CTNNA3: variants seen among roughly 807,000 people sequenced by gnomAD.
The protein encoded by CTNNA3 is catenin alpha-3.
Under a neutral mutation model 95.7 loss-of-function variants are expected in CTNNA3, and 76 were observed. The ratio of observed to expected loss-of-function variants is 0.79; its 90% CI spans 0.66 to 0.96. The LOEUF is 0.96. Ranked by LOEUF, CTNNA3 falls within the 40% of genes least tolerant of loss-of-function variation. The pLI, the probability that CTNNA3 is intolerant of heterozygous loss-of-function variation, is 0.00. For missense variants in CTNNA3, 1,191 were observed against 1,089.8 expected (o/e 1.09, Z -1.31); for synonymous variants, 431 against 374.4 (o/e 1.15, Z -1.74).
At chr10:66,373,601 T>TA (rs34263718) in intron 12 of CTNNA3, among the ~76,000 whole-genome samples, 116,474 of 148,370 alleles carry the variant, frequency 0.79, 46,872 homozygotes, top group Non-Finnish European at 0.9. Flanking sequence ...CTAATTGTGT[T>TA]AAAAAAAAAA....
At chr10:67,147,534 T>C (rs925281951) in intron 7 of CTNNA3, among the ~76,000 whole-genome samples, 1 of 152,226 alleles carries the variant, frequency 6.6e-6, no homozygotes, top group Non-Finnish European at 1.5e-5. Context: ...AATAGCCTGC[T>C]AGATCTAACA....
intron 9 of CTNNA3, among the ~76,000 whole-genome samples, chr10:66,641,525 T>A (rs1845516597): frequency 6.6e-6 from 1 of 152,186 alleles, no homozygotes; most frequent in Non-Finnish European, 1.5e-5. Context: ...TATGCACCAT[T>A]AGATGACAGG....
intron 12 of CTNNA3, among the ~76,000 whole-genome samples, chr10:66,315,407 A>G (rs1488969391): frequency 6.6e-6 from 1 of 151,966 alleles, no homozygotes; most frequent in Non-Finnish European, 1.5e-5. Flanking sequence ...TACCCATTTT[A>G]TGAACAATGA....
chr10:67,178,799 A>G (rs1422808832), intron 7 of CTNNA3, among the ~76,000 whole-genome samples: 1 of 152,124 alleles, frequency 6.6e-6, no homozygotes, highest in African/African-American at 2.4e-5. Flanking sequence ...TCAATAAAAT[A>G]TTATCTTCTA....
intron 1 of CTNNA3, among the ~76,000 whole-genome samples, chr10:67,686,590 T>C (rs1840736445): frequency 6.6e-6 from 1 of 152,168 alleles, no homozygotes; most frequent in African/African-American, 2.4e-5. Flanking sequence ...TAGTATGCCA[T>C]TTACATTGTG....
rs527284091 is a variant in CTNNA3, at chr10:67,474,053, A to C, written c.579+47789T>G. On this transcript the variant is annotated intron_variant, in intron 5 of 17. Coordinates refer to ENST00000433211, the MANE Select transcript of CTNNA3 (RefSeq NM_013266.4). ...CTTTACCCCTCCTCATTGAGTAATA[A>C]AGTAAACTTCCTTGGAATATAGCAA... Among the ~76,000 whole-genome samples the C allele has an allele frequency of 9.2e-5, 14 of 152,310 alleles. No homozygotes were observed. In the South Asian group the frequency reaches 2.9e-3, roughly 32 times the overall value.
At chr10:66,030,224 A>G (rs2079423518) in intron 15 of CTNNA3, among the ~76,000 whole-genome samples, 1 of 152,208 alleles carries the variant, frequency 6.6e-6, no homozygotes, top group South Asian at 2.1e-4. Flanking sequence ...AAACTGTTCT[A>G]AAATTTGTAT....
At chr10:66,240,863 A>G (rs1366600798) in intron 13 of CTNNA3, among the ~76,000 whole-genome samples, 2 of 152,106 alleles carry the variant, frequency 1.3e-5, no homozygotes, top group Admixed American at 6.5e-5. Context: ...TAATGGAAAA[A>G]CATTGTTTAG....
intron 7 of CTNNA3, among the ~76,000 whole-genome samples, chr10:67,128,606 G>T (rs2095728258): frequency 1.3e-5 from 2 of 152,038 alleles, no homozygotes; most frequent in Middle Eastern, 3.4e-3. Flanking sequence ...CCTTTGACAA[G>T]ATTTTAAAAC....
At chr10:67,162,726 C>T (rs946970961) in intron 7 of CTNNA3, among the ~76,000 whole-genome samples, 2 of 151,618 alleles carry the variant, frequency 1.3e-5, no homozygotes, top group African/African-American at 2.4e-5. Flanking sequence ...CTCTTTGAAA[C>T]TATCAAGATA....
chr10:67,125,994 G>A (rs1001473792), intron 7 of CTNNA3, among the ~76,000 whole-genome samples: 2 of 152,028 alleles, frequency 1.3e-5, no homozygotes, highest in South Asian at 2.1e-4. Context: ...GTTAATTCTG[G>A]AATCTAACCT....
At chr10:66,100,727 C>A (rs553698810) in intron 14 of CTNNA3, among the ~76,000 whole-genome samples, 1 of 152,216 alleles carries the variant, frequency 6.6e-6, no homozygotes, top group Admixed American at 6.5e-5. Context: ...ATCTAGCTGG[C>A]CTGGCCTATA....
At chr10:67,186,196 T>C (rs1178547311) in intron 6 of CTNNA3, among the ~76,000 whole-genome samples, 2 of 152,126 alleles carry the variant, frequency 1.3e-5, no homozygotes, top group East Asian at 1.9e-4. Flanking sequence ...ATTGTGACAA[T>C]AGGAAAAAAC....
chr10:67,053,916 A>G (rs1156783588), intron 7 of CTNNA3, among the ~76,000 whole-genome samples: 1 of 152,120 alleles, frequency 6.6e-6, no homozygotes. Flanking sequence ...TTACCTCCCA[A>G]ATGGTCAATG....
At chr10:66,851,067 C>T (rs1458024883) in intron 7 of CTNNA3, among the ~76,000 whole-genome samples, 3 of 152,178 alleles carry the variant, frequency 2.0e-5, no homozygotes, top group South Asian at 2.1e-4. Flanking sequence ...ACTCCTCTCA[C>T]CCTGGCAAAG....
intron 7 of CTNNA3, among the ~76,000 whole-genome samples, chr10:66,938,039 G>A (rs1399808498): frequency 6.6e-6 from 1 of 152,040 alleles, no homozygotes; most frequent in Admixed American, 6.6e-5. Context: ...ATGCATGATA[G>A]ATGTTGTTGA....
chr10:67,443,679 A>G (rs1476576869), intron 5 of CTNNA3, among the ~76,000 whole-genome samples: 3 of 151,852 alleles, frequency 2.0e-5, no homozygotes, highest in African/African-American at 4.8e-5. Context: ...TGAGTTCATT[A>G]TAGATTCTGG....
At chr10:67,464,798 T>G (rs546626696) in intron 5 of CTNNA3, among the ~76,000 whole-genome samples, 37 of 152,226 alleles carry the variant, frequency 2.4e-4, no homozygotes, top group Non-Finnish European at 4.9e-4. Context: ...TGGACTTTTG[T>G]TTTTGTTTTA....
chr10:65,993,155 C>G (rs2078578945), intron 15 of CTNNA3, among the ~76,000 whole-genome samples: 1 of 152,146 alleles, frequency 6.6e-6, no homozygotes, highest in Non-Finnish European at 1.5e-5. Context: ...TGTTTTGTTG[C>G]CTGACATATG....
Sources: allele counts gnomAD v4.1 joint callset (sites outside exome capture counted in the v4.1 genomes callset), GRCh38; gene constraint gnomAD v4.1.1; transcripts MANE v1.5; gene names NCBI Gene and HGNC (gene_info 2026-07-23, HGNC 2026-07-21).